Variants in ROBO1 observed in about 807,000 individuals in gnomAD.
ROBO1 encodes roundabout homolog 1.
A neutral mutation model predicts 195.9 loss-of-function variants in ROBO1; 149 were observed. That is an observed-to-expected ratio of 0.76 (90% CI 0.67 to 0.87). The LOEUF (loss-of-function observed/expected upper bound fraction) is 0.87. Ranked by LOEUF, ROBO1 falls within the 40% of genes least tolerant of loss-of-function variation. The pLI, the probability that ROBO1 is intolerant of heterozygous loss-of-function variation, is 0.00. For synonymous variants in ROBO1, 816 were observed against 733.2 expected (o/e 1.11, Z -1.82); for missense variants, 1,933 against 2,068.3 (o/e 0.93, Z 1.27).
At chr3:79,760,598 T>C (rs1432992334) in intron 1 of ROBO1, among the ~76,000 whole-genome samples, 7 of 131,734 alleles carry the variant, frequency 5.3e-5, no homozygotes, top group Non-Finnish European at 1.1e-4. Context: ...AAAATTATGT[T>C]TAAGCAATTC....
chr3:79,044,459 C>T (rs1244651797), intron 3 of ROBO1, among the ~76,000 whole-genome samples: 1 of 151,940 alleles, frequency 6.6e-6, no homozygotes, highest in African/African-American at 2.4e-5. Flanking sequence ...ATTACATGAC[C>T]TACATTCTAG....
chr3:79,062,064 A>T lies in ROBO1; in HGVS notation c.172+63392T>A, dbSNP rs116163419. 7.8e-3 allele frequency among the ~76,000 whole-genome samples: 1,194 copies of T among 152,218 alleles called. 18 individuals are homozygous for T. The highest frequency in any genetic ancestry group is 0.028 in the African/African-American group (1,160 of 41,538). On this transcript the variant is annotated intron_variant, in intron 3 of 30. Coordinates refer to ENST00000464233, the MANE Select transcript of ROBO1 (RefSeq NM_002941.4). The stretch of plus-strand genomic sequence containing the variant: ...CAAGTACCATCAGAGTGAACAGGCA[A>T]CCTACAGGATGGGAAAAAATTTTTG...
chr3:78,961,930 T>C (rs2041371111), intron 3 of ROBO1, among the ~76,000 whole-genome samples: 1 of 151,208 alleles, frequency 6.6e-6, no homozygotes, highest in Admixed American at 6.6e-5. Context: ...GGCCCATGTT[T>C]TTTGTTTTTT....
intron 4 of ROBO1, among the ~76,000 whole-genome samples, chr3:78,803,526 T>A (rs2084433199): frequency 2.6e-5 from 4 of 152,142 alleles, no homozygotes; most frequent in Admixed American, 2.0e-4. Flanking sequence ...TAAAGTGGCC[T>A]AGTTTAGTCA....
chr3:78,651,897 G>A lies in ROBO1; in HGVS notation c.2647C>T (p.Gln883Ter). 1.2e-6 allele frequency: 2 copies of A among 1,613,200 alleles called. No homozygotes were observed. The highest frequency in any genetic ancestry group is 1.7e-6 in the Non-Finnish European group (2 of 1,179,516). Residue 883 changes from glutamine (Q) to a stop codon, truncating the protein, a stop_gained, in exon 19 of 31, where the codon CAA becomes TAA. Coordinates refer to ENST00000464233, the MANE Select transcript of ROBO1 (RefSeq NM_002941.4). LOFTEE classifies it high-confidence loss of function. Reference protein sequence around the residue: ...AHGNPVSPEDQVSLAQQISDV... With the variant: ...AHGNPVSPED ...GAAATCTGCTGAGCGAGGCTGACTT[G>A]GTCCTCAGGTGACACAGGGTTTCCA...
chr3:78,659,786 C>A lies in ROBO1; in HGVS notation c.2342G>T (p.Gly781Val), dbSNP rs760588698. ...TCCATCATTCTTGGATACAGTTACA[C>A]CTTGGGGTGGGGCACTGGGTGCTAT... ...LEEAPSAPPQ[G>V]VTVSKNDGNG... is the part of the protein sequence containing the mutation. The change falls in exon 17 of 31, where the codon GGT (glycine) becomes GTT (valine). Residue 781 changes from glycine (G) to valine (V), a missense_variant. Physicochemically the swap from Gly to Val is moderately radical, Grantham distance 109. This residue lies in a region of ROBO1 where 1,737 missense variants were observed against 1,882.5 expected (regional missense o/e 0.92). Transcript: ENST00000464233. 1.4e-5 allele frequency: 23 copies of A among 1,604,674 alleles called. 1 individual carries two copies. In the South Asian group the frequency reaches 2.2e-4, roughly 16 times the overall value.
intron 4 of ROBO1, among the ~76,000 whole-genome samples, chr3:78,827,842 A>C (rs2031772580): frequency 6.6e-6 from 1 of 152,142 alleles, no homozygotes; most frequent in Non-Finnish European, 1.5e-5. Context: ...CACAATTTGG[A>C]GGTTGATCTT....
chr3:78,791,694 C>T (rs941452695), intron 4 of ROBO1, among the ~76,000 whole-genome samples: 6 of 152,182 alleles, frequency 3.9e-5, no homozygotes, highest in African/African-American at 1.4e-4. Flanking sequence ...TTGTCACTTA[C>T]CTCTCTATAC....
At chr3:78,638,529 A>C (rs1048662424) in intron 22 of ROBO1, among the ~76,000 whole-genome samples, 1 of 152,064 alleles carries the variant, frequency 6.6e-6, no homozygotes, top group African/African-American at 2.4e-5. Flanking sequence ...TGTTACTCCC[A>C]AAATCTCAAA....
Position 78,679,737 on chromosome 3 carries a change from G to C in ROBO1, c.1342+6009C>G, listed in dbSNP as rs1453315491. Among the ~76,000 whole-genome samples the C allele has an allele frequency of 3.9e-5, 6 of 152,084 alleles. No individual in the cohort carries two copies. The East Asian group carries it at 1.2e-3, about 29-fold the overall frequency. On this transcript the variant is annotated intron_variant, in intron 10 of 30. Transcript: ENST00000464233. Reference sequence around the variant, plus strand: ...CTCATGGGTAGGAAGAATCAATATCGTGAAAATGGCCATACTGCCCAAGGT... The same window carrying C: ...CTCATGGGTAGGAAGAATCAATATCCTGAAAATGGCCATACTGCCCAAGGT...
intron 2 of ROBO1, among the ~76,000 whole-genome samples, chr3:79,265,688 C>A (rs567124773): frequency 6.6e-6 from 1 of 151,322 alleles, no homozygotes; most frequent in African/African-American, 2.4e-5. Context: ...ATTTTTCAAT[C>A]GAATATTCTC....
intron 1 of ROBO1, among the ~76,000 whole-genome samples, chr3:79,631,453 G>T (rs1341183879): frequency 6.6e-6 from 1 of 151,866 alleles, no homozygotes; most frequent in Non-Finnish European, 1.5e-5. Context: ...ATGAAATTTG[G>T]TCCCTATCTC....
At chr3:78,809,058 G>C in intron 4 of ROBO1, among the ~76,000 whole-genome samples, 1 of 151,932 alleles carries the variant, frequency 6.6e-6, no homozygotes, top group Non-Finnish European at 1.5e-5. Flanking sequence ...GAGTGAACAG[G>C]CAACCTACAG....
intron 4 of ROBO1, among the ~76,000 whole-genome samples, chr3:78,861,062 T>C (rs2034806073): frequency 6.6e-6 from 1 of 152,188 alleles, no homozygotes; most frequent in Non-Finnish European, 1.5e-5. Flanking sequence ...CTAATGAATT[T>C]CCTATAGATA....
intron 1 of ROBO1, among the ~76,000 whole-genome samples, chr3:79,721,904 A>T (rs1241378531): frequency 6.6e-6 from 1 of 152,232 alleles, no homozygotes; most frequent in Non-Finnish European, 1.5e-5. Flanking sequence ...AAAGTTTATC[A>T]AGGTTAAACT....
intron 1 of ROBO1, among the ~76,000 whole-genome samples, chr3:79,696,926 A>C (rs377624415): frequency 6.6e-6 from 1 of 151,524 alleles, no homozygotes; most frequent in Admixed American, 6.6e-5. Context: ...GGTTTCATTA[A>C]GGAAATGAAA....
chr3:79,517,284 C>T (rs576221562), intron 2 of ROBO1, among the ~76,000 whole-genome samples: 1 of 152,310 alleles, frequency 6.6e-6, no homozygotes, highest in East Asian at 1.9e-4. Context: ...AACTGAATTT[C>T]CAGCGAGTGC....
chr3:78,910,597 T>C (rs139616182), intron 4 of ROBO1, among the ~76,000 whole-genome samples: 1 of 151,858 alleles, frequency 6.6e-6, no homozygotes, highest in South Asian at 2.1e-4. Context: ...TAAAGAGGAT[T>C]AGGATGGAGA....
intron 1 of ROBO1, among the ~76,000 whole-genome samples, chr3:79,677,953 C>T (rs768993770): frequency 4.6e-5 from 7 of 152,028 alleles, no homozygotes; most frequent in Non-Finnish European, 1.0e-4. Context: ...TTTTAAGCTG[C>T]TAAATTTGTG....
Sources: gnomAD v4.1 joint callset for allele counts (sites outside exome capture counted in the v4.1 genomes callset) on GRCh38, gnomAD v4.1.1 for gene constraint, gnomAD v4.1.1 regional missense constraint, MANE v1.5 for transcripts, NCBI Gene and HGNC (gene_info 2026-07-23, HGNC 2026-07-21) for gene names.